The following MFSD6 variants were observed in gnomAD, a reference collection of about 807,000 sequenced individuals.
The protein encoded by MFSD6 is major facilitator superfamily domain-containing protein 6.
Under a neutral mutation model 56.3 loss-of-function variants are expected in MFSD6, and 26 were observed. The ratio of observed to expected loss-of-function variants is 0.46; its 90% CI spans 0.34 to 0.64. The LOEUF (loss-of-function observed/expected upper bound fraction) is 0.64, where lower values mean the gene tolerates loss of function less well. Among genes scored for constraint, MFSD6 ranks in the 30% least tolerant of loss-of-function variants. The probability of loss-of-function intolerance (pLI) is 0.01; values close to 1 mark genes in which losing one functional copy is unlikely to be tolerated. For missense variants in MFSD6, 750 were observed against 986.2 expected (o/e 0.76, Z 3.21); for synonymous variants, 331 against 366.9 (o/e 0.90, Z 1.12).
chr2:190,449,347 ACT>A (rs1266456213), intron 3 of MFSD6, among the ~76,000 whole-genome samples: 1 of 151,940 alleles, frequency 6.6e-6, no homozygotes, highest in Non-Finnish European at 1.5e-5. Context: ...GGTGGCGGGC[ACT>A]TGTAGTCCCA....
chr2:190,463,712 TG>T lies in MFSD6; in HGVS notation c.1533-6040del, dbSNP rs1559125633. On this transcript the variant is annotated intron_variant, in intron 3 of 7. Transcript: ENST00000392328. This position sits in a 1 kb window ranked among gnomAD's most constrained non-coding sequence, Gnocchi z 4.4. ...GTGCACACCTGTAGTCCCAGCTACT[TG>T]GGGGGCTGAGGTGGGAGGATCACCT... The T allele has an allele frequency of 5.3e-6, 1 of 187,982 alleles. No homozygotes were observed. Among genetic ancestry groups the T allele is most frequent in the African/African-American group, 2.4e-5 (1 of 42,084 alleles). 11.6% of individuals were successfully genotyped at this position (187,982 alleles called of 1,614,324 possible).
chr2:190,499,403 CTGGTGATGTTCTACTCA>C lies in MFSD6; in HGVS notation c.2173-607_2173-591del, dbSNP rs1689904174. Among the ~76,000 whole-genome samples, 1 of 152,074 alleles carries C rather than the reference CTGGTGATGTTCTACTCA, an allele frequency of 6.6e-6. No homozygotes were observed. The highest frequency in any genetic ancestry group is 1.5e-5 in the Non-Finnish European group (1 of 68,016). On this transcript the variant is annotated intron_variant, in intron 7 of 7. Coordinates refer to ENST00000392328, the MANE Select transcript of MFSD6 (RefSeq NM_017694.4). The surrounding 1 kb of genome is among the most constrained non-coding windows in gnomAD (Gnocchi z 6.0). ...AATATGGCATTTATGGAAATTGCTG[CTGGTGATGTTCTACTCA>C]TGGTTATTTACAGTTGGTTACACAA...
In MFSD6 at chr2:190,488,755, C is replaced by T. The variant is rs1167499541; in HGVS notation, c.1729C>T (p.Leu577Phe). ...ATCTGCTCAGGGCATCCTGCAGGGC[C>T]TTCACCTGGGTTTGGGAAGAGGATG... ...RTSAQGILQG[L>F]HLGLGRGCGA... The change falls in exon 5 of 8, where the codon CTT (leucine) becomes TTT (phenylalanine). Residue 577 changes from leucine (L) to phenylalanine (F), a missense_variant. Coordinates refer to ENST00000392328, the MANE Select transcript of MFSD6 (RefSeq NM_017694.4). This position sits in a 1 kb window ranked among gnomAD's most constrained non-coding sequence, Gnocchi z 6.4. The T allele has an allele frequency of 1.9e-6, 3 of 1,610,280 alleles. No homozygotes were observed. Among genetic ancestry groups the T allele is most frequent in the Non-Finnish European group, 2.5e-6 (3 of 1,178,414 alleles).
intron 4 of MFSD6, among the ~76,000 whole-genome samples, chr2:190,479,160 C>T (rs936600768): frequency 6.6e-6 from 1 of 152,102 alleles, no homozygotes; most frequent in Non-Finnish European, 1.5e-5. Flanking sequence ...CTATTCAAGC[C>T]TTTATTGGGG....
In MFSD6 at chr2:190,436,216, A is replaced by T; in HGVS notation, c.187A>T (p.Lys63Ter). The T allele has an allele frequency of 6.2e-7, 1 of 1,614,176 alleles. No individual in the cohort carries two copies. The highest frequency in any genetic ancestry group is 8.5e-7 in the Non-Finnish European group (1 of 1,180,002). ...EIDWIEKHCVKINNDLLISKV... is the reference protein window; with the variant it reads ...EIDWIEKHCV ...AGACTGGATAGAGAAACATTGTGTT[A>T]AGATAAACAACGATCTTCTAATTTC... is the stretch of plus-strand genomic sequence containing the variant. Residue 63 changes from lysine to a stop codon, truncating the protein, a stop_gained, in exon 3 of 8, where the codon AAG becomes TAG. Coordinates refer to ENST00000392328, the MANE Select transcript of MFSD6 (RefSeq NM_017694.4). LOFTEE classifies it high-confidence loss of function. This position sits in a 1 kb window ranked among gnomAD's most constrained non-coding sequence, Gnocchi z 5.3.
intron 4 of MFSD6, among the ~76,000 whole-genome samples, chr2:190,482,239 A>G (rs1574225875): frequency 1.3e-5 from 2 of 152,202 alleles, no homozygotes; most frequent in Non-Finnish European, 2.9e-5. Context: ...TCTCCTGTTC[A>G]TTGGACTTTG....
intron 3 of MFSD6, among the ~76,000 whole-genome samples, chr2:190,446,302 G>A (rs1295183291): frequency 6.6e-6 from 1 of 152,198 alleles, no homozygotes; most frequent in East Asian, 1.9e-4. Flanking sequence ...TAAAAGCCAG[G>A]TGGATGGACG....
chr2:190,495,935 A>T lies in MFSD6; in HGVS notation c.1892-1504A>T, dbSNP rs1353889383. ...CCCTTCTAGACATTGGCTTAGGCAG[A>T]GATTTCGTGACCAAGAACCCAAAAG... On this transcript the variant is annotated intron_variant, in intron 6 of 7. Transcript: ENST00000392328. This position sits in a 1 kb window ranked among gnomAD's most constrained non-coding sequence, Gnocchi z 4.7. Among the ~76,000 whole-genome samples the T allele has an allele frequency of 1.3e-5, 2 of 152,222 alleles. No homozygotes were observed. Among genetic ancestry groups the T allele is most frequent in the African/African-American group, 4.8e-5 (2 of 41,466 alleles).
chr2:190,454,549 C>T lies in MFSD6; in HGVS notation c.1533-15209C>T, dbSNP rs933039853. 8.5e-5 allele frequency: 13 copies of T among 152,208 alleles called. No individual in the cohort carries two copies. The highest frequency in any genetic ancestry group is 3.1e-4 in the African/African-American group (13 of 41,408). 9.4% of individuals were successfully genotyped at this position (152,208 alleles called of 1,614,324 possible). A position where few individuals can be genotyped will look rare whatever the true frequency, so the allele number is the denominator to read the frequency against. The stretch of plus-strand genomic sequence containing the variant: ...TCTTTCTTTACCCTTCCCTCTTCCC[C>T]TCTGCCGCCCTCCCTCTACCATATG... On this transcript the variant is annotated intron_variant, in intron 3 of 7. Transcript: ENST00000392328. This position sits in a 1 kb window ranked among gnomAD's most constrained non-coding sequence, Gnocchi z 4.6.
At position 190,437,155 on chromosome 2, in the gene MFSD6, G is replaced by A. The variant is rs147647208; in HGVS notation, c.1126G>A (p.Gly376Ser). The A allele has an allele frequency of 2.8e-5, 45 of 1,614,192 alleles. No individual in the cohort carries two copies. Among genetic ancestry groups the A allele is most frequent in the South Asian group, 2.3e-4 (21 of 91,080 alleles). Residue 376 changes from glycine to serine, a missense_variant, in exon 3 of 8, where the codon GGC becomes AGC. Around this residue, in one of 5 missense-constraint regions of MFSD6, gnomAD observed 376 missense variants for 437.9 expected, o/e 0.86. Coordinates refer to ENST00000392328, the MANE Select transcript of MFSD6 (RefSeq NM_017694.4). This position sits in a 1 kb window ranked among gnomAD's most constrained non-coding sequence, Gnocchi z 5.9. ...RNYQIVFIVF[G>S]VLMTMALIVA... is the part of the protein sequence containing the mutation. Reference sequence around the variant, plus strand: ...TTACCAGATCGTCTTCATCGTCTTCGGCGTTCTCATGACCATGGCCTTGAT... The same window carrying A: ...TTACCAGATCGTCTTCATCGTCTTCAGCGTTCTCATGACCATGGCCTTGAT...
Position 190,416,906 on chromosome 2 carries a change from T to G in MFSD6, c.-54+1493T>G, listed in dbSNP as rs529164531. 7.2e-5 allele frequency among the ~76,000 whole-genome samples: 11 copies of G among 152,310 alleles called. No homozygotes were observed. The highest frequency in any genetic ancestry group is 1.2e-4 in the Non-Finnish European group (8 of 68,030). On this transcript the variant is annotated intron_variant, in intron 2 of 7. Transcript: ENST00000392328. The surrounding 1 kb of genome is among the most constrained non-coding windows in gnomAD (Gnocchi z 4.1). ...TCTACTTCCTAAAATGAATTTTTGA[T>G]CACATTAAACTTTAATAAAAATTTA...
intron 2 of MFSD6, among the ~76,000 whole-genome samples, chr2:190,429,040 A>C (rs1160841371): frequency 6.6e-6 from 1 of 151,994 alleles, no homozygotes. Context: ...TAATGCTTTC[A>C]CTGGCGATTA....
rs1039519954 is a variant in MFSD6, at chr2:190,471,452, C to A, written c.1630+1597C>A. ...CACACTAGGAGATTATATCCCGCAC[C>A]TGGCTTGGAGGGTCCTACGCCCACG... On this transcript the variant is annotated intron_variant, in intron 4 of 7. Transcript: ENST00000392328. This position sits in a 1 kb window ranked among gnomAD's most constrained non-coding sequence, Gnocchi z 4.7. 6.6e-6 allele frequency among the ~76,000 whole-genome samples: 1 copy of A among 152,236 alleles called. No individual in the cohort carries two copies. Among genetic ancestry groups the A allele is most frequent in the East Asian group, 1.9e-4 (1 of 5,206 alleles).
In MFSD6 at chr2:190,433,793, A is replaced by C. The variant is rs954053289; in HGVS notation, c.-53-2184A>C. On this transcript the variant is annotated intron_variant, in intron 2 of 7. Transcript: ENST00000392328. This position sits in a 1 kb window ranked among gnomAD's most constrained non-coding sequence, Gnocchi z 4.5. ...TAGAGATTAAAAAATGCTTACAAGT[A>C]TAATTTTAGAAGGTTTTTCAGAATG... Among the ~76,000 whole-genome samples, 1 of 152,214 alleles carries C rather than the reference A, an allele frequency of 6.6e-6. No homozygotes were observed. The highest frequency in any genetic ancestry group is 6.5e-5 in the Admixed American group (1 of 15,288).
At chr2:190,470,225 T>C (rs1023344860) in intron 4 of MFSD6, among the ~76,000 whole-genome samples, 4 of 152,248 alleles carry the variant, frequency 2.6e-5, no homozygotes, top group African/African-American at 9.6e-5. Flanking sequence ...TTAACTATAG[T>C]TACTGAAAAA....
At chr2:190,448,918 C>T (rs548290912) in intron 3 of MFSD6, among the ~76,000 whole-genome samples, 44 of 152,230 alleles carry the variant, frequency 2.9e-4, no homozygotes, top group South Asian at 1.0e-3. Flanking sequence ...TATAACCGTC[C>T]TCCTGTAGAA....
At chr2:190,460,627 G>T (rs1158192183) in intron 3 of MFSD6, among the ~76,000 whole-genome samples, 2 of 152,218 alleles carry the variant, frequency 1.3e-5, no homozygotes, top group East Asian at 3.8e-4. Context: ...AATGCAGTCA[G>T]GTTGTAGGTG....
chr2:190,431,136 C>T lies in MFSD6; in HGVS notation c.-53-4841C>T, dbSNP rs1480631620. Among the ~76,000 whole-genome samples the T allele has an allele frequency of 6.6e-6, 1 of 150,738 alleles. No homozygotes were observed. ...GGCGGGGCAGAGGCGCTCCCCACATCTCAGACGATGGGCAGCCAGGCAGAG... is the reference window on the plus strand; with the variant it reads ...GGCGGGGCAGAGGCGCTCCCCACATTTCAGACGATGGGCAGCCAGGCAGAG... On this transcript the variant is annotated intron_variant, in intron 2 of 7. Coordinates refer to ENST00000392328, the MANE Select transcript of MFSD6 (RefSeq NM_017694.4). This position sits in a 1 kb window ranked among gnomAD's most constrained non-coding sequence, Gnocchi z 4.4.
chr2:190,480,865 A>G (rs1416631964), intron 4 of MFSD6, among the ~76,000 whole-genome samples: 1 of 152,232 alleles, frequency 6.6e-6, no homozygotes, highest in Admixed American at 6.5e-5. Flanking sequence ...TACAATACAA[A>G]AAAGTAAAAT....
Sources: allele counts gnomAD v4.1 joint callset (sites outside exome capture counted in the v4.1 genomes callset), GRCh38; gene constraint gnomAD v4.1.1; regional missense constraint gnomAD v4.1.1; non-coding constraint Gnocchi (gnomAD v3.1); transcripts MANE v1.5; gene names NCBI Gene and HGNC (gene_info 2026-07-23, HGNC 2026-07-21).